The following COL12A1 variants were observed in gnomAD, a reference collection of about 807,000 sequenced individuals.
The protein encoded by COL12A1 is collagen alpha-1(XII) chain.
COL12A1 carries 114 observed loss-of-function variants against 349.7 expected under a neutral mutation model. The observed-to-expected ratio is 0.33, with a 90% CI of 0.28 to 0.38. COL12A1 has a LOEUF of 0.38. Ranked by LOEUF, COL12A1 falls within the 10% of genes least tolerant of loss-of-function variation. COL12A1 has a pLI of 1.00. For missense variants in COL12A1, 3,284 were observed against 3,756.9 expected (o/e 0.87, Z 3.29); for synonymous variants, 1,369 against 1,329.0 (o/e 1.03, Z -0.66).
At chr6:75,139,349 T>C (rs1194970395) in intron 27 of COL12A1, among the ~76,000 whole-genome samples, 1 of 152,162 alleles carries the variant, frequency 6.6e-6, no homozygotes, top group African/African-American at 2.4e-5. Flanking sequence ...ACACATAGAC[T>C]CTGGGTTAAG....
intron 46 of COL12A1, 140 bp from the exon 47 acceptor site, chr6:75,117,686 CT>C: frequency 1.4e-6 from 1 of 736,748 alleles, no homozygotes; most frequent in Non-Finnish European, 2.1e-6. Context: ...GACGTGAACT[CT>C]CTTTAATAAA....
In COL12A1 at chr6:75,189,633, T is replaced by C; in HGVS notation, c.577A>G (p.Asn193Asp). The C allele has an allele frequency of 6.2e-7, 1 of 1,613,394 alleles. No homozygotes were observed. The highest frequency in any genetic ancestry group is 8.5e-7 in the Non-Finnish European group (1 of 1,179,490). Residue 193 changes from asparagine (N) to aspartate (D), a missense_variant, in exon 6 of 66, where the codon AAC (asparagine) becomes GAC (aspartate). Coordinates refer to ENST00000322507, the MANE Select transcript of COL12A1 (RefSeq NM_004370.6). ...QYSSDTRTEFNLNQYYQRDEL... is the reference protein window; with the variant it reads ...QYSSDTRTEFDLNQYYQRDEL... ...TCCCTTTGGTAGTACTGATTTAAGTTAAATTCAGTCCTGGTATCAGAGCTG... is the reference window on the plus strand; with the variant it reads ...TCCCTTTGGTAGTACTGATTTAAGTCAAATTCAGTCCTGGTATCAGAGCTG...
chr6:75,123,288 C>T (rs1412264988), intron 43 of COL12A1, 42 bp downstream of exon 43: 1 of 1,515,676 alleles, frequency 6.6e-7, no homozygotes, highest in African/African-American at 1.4e-5. Flanking sequence ...AAGTCTGTAA[C>T]TCCCTATCAG....
At chr6:75,141,156 C>T (rs1766874371) in intron 27 of COL12A1, among the ~76,000 whole-genome samples, 1 of 152,058 alleles carries the variant, frequency 6.6e-6, no homozygotes, top group South Asian at 2.1e-4. Flanking sequence ...ACATATAAAA[C>T]TCCCATTATT....
chr6:75,160,614 G>A (rs925065660), intron 14 of COL12A1, among the ~76,000 whole-genome samples: 13 of 152,042 alleles, frequency 8.6e-5, no homozygotes, highest in Admixed American at 3.9e-4. Context: ...ACATACAGTC[G>A]CCCTTTGGTA....
rs57726755 is a variant in COL12A1 at position 75,148,110 on chromosome 6, G to GA, written c.4287+247dup. ...AAGCATCTTCTAATTAGATTTTAAT[G>GA]AAAAAAACATAGTGATATTCTACAA... On this transcript the variant is annotated intron_variant, in intron 22 of 65. Coordinates refer to ENST00000322507, the MANE Select transcript of COL12A1 (RefSeq NM_004370.6). Among the ~76,000 whole-genome samples, 10,989 of 151,970 alleles carry GA rather than the reference G, an allele frequency of 0.072. 1,069 individuals carry two copies. The highest frequency in any genetic ancestry group is 0.22 in the African/African-American group (9,126 of 41,444).
rs771434132 is a variant in COL12A1 at position 75,087,569 on chromosome 6, C to A, written c.9181+8G>T. The A allele has an allele frequency of 1.2e-6, 2 of 1,613,370 alleles. No individual in the cohort carries two copies. Among genetic ancestry groups the A allele is most frequent in the East Asian group, 2.2e-5 (1 of 44,820 alleles). ...TGAGTTGGGGTTCCTACAATGGCAA[C>A]AACGTACCTGGATAGCCTTGCCCGT... On this transcript the variant is annotated splice_region_variant and intron_variant, in intron 65 of 65. Transcript: ENST00000322507.
In COL12A1 at chr6:75,155,792, C is replaced by T; in HGVS notation, c.3313G>A (p.Val1105Met). 6.2e-7 allele frequency: 1 copy of T among 1,613,478 alleles called. No individual in the cohort carries two copies. The highest frequency in any genetic ancestry group is 8.5e-7 in the Non-Finnish European group (1 of 1,179,606). Residue 1105 changes from valine (V) to methionine (M), a missense_variant, in exon 16 of 66, where the codon GTG becomes ATG. Coordinates refer to ENST00000322507, the MANE Select transcript of COL12A1 (RefSeq NM_004370.6). ...TCCCCAGGGGCAGGCTCCCAAGTCA[C>T]TCGGAAGCTTGACATGGTTGGGTCA... ...TSDPTMSSFR[V>M]TWEPAPGEVK...
chr6:75,096,929 C>A (rs1039496944), intron 59 of COL12A1, among the ~76,000 whole-genome samples: 14 of 143,982 alleles, frequency 9.7e-5, no homozygotes, highest in East Asian at 2.1e-4. Context: ...AATTCTGTAA[C>A]AGGAAATAAC....
At position 75,165,973 on chromosome 6, in the gene COL12A1, T is replaced by A. The variant is rs1470048429; in HGVS notation, c.2711-194A>T. On this transcript the variant is annotated intron_variant, in intron 13 of 65. Coordinates refer to ENST00000322507, the MANE Select transcript of COL12A1 (RefSeq NM_004370.6). Reference sequence around the variant, plus strand: ...AGATAGATGCAATAAAACTTTAGAATTCTATTTGATTCCTACCTCTTAACT... The same window carrying A: ...AGATAGATGCAATAAAACTTTAGAAATCTATTTGATTCCTACCTCTTAACT... Among the ~76,000 whole-genome samples the A allele has an allele frequency of 7.2e-5, 11 of 152,140 alleles. No homozygotes were observed. In the East Asian group the frequency reaches 1.7e-3, roughly 24 times the overall value.
chr6:75,122,002 G>A (rs1187744919), intron 43 of COL12A1, among the ~76,000 whole-genome samples: 1 of 151,952 alleles, frequency 6.6e-6, no homozygotes, highest in Non-Finnish European at 1.5e-5. Context: ...TGGGACTACA[G>A]GCATGTGCCA....
chr6:75,113,494 A>G, intron 50 of COL12A1, 108 bp downstream of exon 50: 1 of 1,074,334 alleles, frequency 9.3e-7, no homozygotes, highest in South Asian at 2.5e-5. Context: ...ATAAAAGTAT[A>G]TATCAAATAA....
At chr6:75,110,557 G>A (rs1768787327) in intron 51 of COL12A1, among the ~76,000 whole-genome samples, 1 of 151,786 alleles carries the variant, frequency 6.6e-6, no homozygotes, top group South Asian at 2.1e-4. Context: ...AAAAAATAGG[G>A]ACCCTCTTGT....
At position 75,151,264 on chromosome 6, in the gene COL12A1, C is replaced by T; in HGVS notation, c.4024G>A (p.Glu1342Lys). ...AIGIKNADEV[E>K]LKMIATDPDD... Reference sequence around the variant, plus strand: ...GGATCAGTTGCAATCATCTTTAATTCGACTTCATCAGCATTTTTAATACCT... The same window carrying T: ...GGATCAGTTGCAATCATCTTTAATTTGACTTCATCAGCATTTTTAATACCT... Residue 1342 changes from glutamate (E) to lysine (K), a missense_variant, in exon 21 of 66, where the codon GAA (glutamate) becomes AAA (lysine). By Grantham distance (56) the Glu-to-Lys change is moderately conservative. Around this residue, in one of 2 missense-constraint regions of COL12A1, gnomAD observed 2,601 missense variants for 2,824.8 expected, o/e 0.92. Transcript: ENST00000322507. The T allele has an allele frequency of 6.2e-7, 1 of 1,612,932 alleles. No individual in the cohort carries two copies.
At chr6:75,119,773 G>A (rs1053419962) in intron 44 of COL12A1, among the ~76,000 whole-genome samples, 5 of 152,144 alleles carry the variant, frequency 3.3e-5, no homozygotes, top group Admixed American at 1.3e-4. Flanking sequence ...GTGGGGAGTG[G>A]TGAGATCCCA....
At chr6:75,139,602 A>G (rs893465839) in intron 27 of COL12A1, among the ~76,000 whole-genome samples, 1 of 152,256 alleles carries the variant, frequency 6.6e-6, no homozygotes, top group Non-Finnish European at 1.5e-5. Flanking sequence ...TAGAACATAC[A>G]TACATACTGC....
rs2149467365 is a variant in COL12A1 at position 75,184,033 on chromosome 6, G to T, written c.1109C>A (p.Pro370Gln). 1 of 1,614,162 alleles carries T rather than the reference G, an allele frequency of 6.2e-7. No homozygotes were observed. The highest frequency in any genetic ancestry group is 1.3e-5 in the African/African-American group (1 of 75,032). The change falls in exon 9 of 66, where the codon CCA becomes CAA. Residue 370 changes from proline (P) to glutamine (Q), a missense_variant. Physicochemically the swap from Pro to Gln is moderately conservative, Grantham distance 76. Coordinates refer to ENST00000322507, the MANE Select transcript of COL12A1 (RefSeq NM_004370.6). ...GTGCTGTCGGCTTCCTGCAGTCATT[G>T]GTGTGAGGATGACTTTGTAGCCAGT... is the stretch of plus-strand genomic sequence containing the variant. ...PVTGYKVILT[P>Q]MTAGSRQHAL...
Position 75,181,048 on chromosome 6 carries a change from A to G in COL12A1, c.2055T>C (p.Ser685=), listed in dbSNP as rs780620827. The G allele has an allele frequency of 7.4e-5, 119 of 1,613,812 alleles. No homozygotes were observed. The highest frequency in any genetic ancestry group is 9.6e-5 in the Non-Finnish European group (113 of 1,179,974). The change falls in exon 11 of 66, where the codon AGT becomes AGC. Residue 685 remains serine, a synonymous_variant. Coordinates refer to ENST00000322507, the MANE Select transcript of COL12A1 (RefSeq NM_004370.6). Reference sequence around the variant, plus strand: ...CTGGCTTCAGGCTGCTGAGAACAACACTGGTGCTCGATGCTGGCTCCACCA... The same window carrying G: ...CTGGCTTCAGGCTGCTGAGAACAACGCTGGTGCTCGATGCTGGCTCCACCA... ...VTVVEPASST[S]VVLSSLKPET...
Position 75,202,274 on chromosome 6 carries a change from T to C in COL12A1, c.73+446A>G, listed in dbSNP as rs560865139. Among the ~76,000 whole-genome samples, 7 of 152,314 alleles carry C rather than the reference T, an allele frequency of 4.6e-5. No individual in the cohort carries two copies. The South Asian group carries it at 8.3e-4, about 18-fold the overall frequency. On this transcript the variant is annotated intron_variant, in intron 2 of 65. Coordinates refer to ENST00000322507, the MANE Select transcript of COL12A1 (RefSeq NM_004370.6). The stretch of plus-strand genomic sequence containing the variant: ...AGCGCTGTTGGAGTCTTTTATTGTG[T>C]TCTGTCACCGAGGTCGCAGCCCCGA...
Sources: gnomAD v4.1 joint callset for allele counts (sites outside exome capture counted in the v4.1 genomes callset) on GRCh38, gnomAD v4.1.1 for gene constraint, gnomAD v4.1.1 regional missense constraint, MANE v1.5 for transcripts, NCBI Gene and HGNC (gene_info 2026-07-23, HGNC 2026-07-21) for gene names.